The following NUDCD1 variants were observed in gnomAD, a reference collection of about 807,000 sequenced individuals.
NUDCD1 encodes the protein NudC domain containing 1.
NUDCD1 carries 60 observed loss-of-function variants against 67.8 expected under a neutral mutation model. That is an observed-to-expected ratio of 0.88 (90% CI 0.72 to 1.10). The LOEUF is 1.10. Among genes scored for constraint, NUDCD1 ranks in the 50% least tolerant of loss-of-function variants. The pLI, the probability that NUDCD1 is intolerant of heterozygous loss-of-function variation, is 0.00. For missense variants in NUDCD1, 643 were observed against 695.0 expected, an observed-to-expected ratio of 0.93 and a Z score of 0.84; for synonymous variants, 244 against 230.8, an observed-to-expected ratio of 1.06 and a Z score of -0.52.
At chr8:109,273,421 G>C (rs1814205318) in intron 7 of NUDCD1, among the ~76,000 whole-genome samples, 1 of 152,104 alleles carries the variant, frequency 6.6e-6, no homozygotes, top group Non-Finnish European at 1.5e-5. Context: ...AGCTACAGTA[G>C]TGCTTAGAAG....
At chr8:109,285,582 T>C (rs1229925156) in intron 5 of NUDCD1, among the ~76,000 whole-genome samples, 2 of 152,138 alleles carry the variant, frequency 1.3e-5, no homozygotes, top group Non-Finnish European at 2.9e-5. Flanking sequence ...CCTCAATAGA[T>C]GAAGAACAAG....
chr8:109,269,463 C>T (rs1415591875), intron 8 of NUDCD1, among the ~76,000 whole-genome samples: 1 of 152,094 alleles, frequency 6.6e-6, no homozygotes, highest in African/African-American at 2.4e-5. Flanking sequence ...GAAGGGATAG[C>T]GAGTGAGAAG....
At chr8:109,287,265 A>G (rs1814597341) in intron 5 of NUDCD1, among the ~76,000 whole-genome samples, 1 of 152,226 alleles carries the variant, frequency 6.6e-6, no homozygotes, top group Admixed American at 6.5e-5. Flanking sequence ...CTACAATTCA[A>G]CCCAGTAATC....
chr8:109,320,651 T>C (rs1815512407), intron 2 of NUDCD1, among the ~76,000 whole-genome samples: 1 of 152,162 alleles, frequency 6.6e-6, no homozygotes, highest in African/African-American at 2.4e-5. Flanking sequence ...AAGACAAGCA[T>C]AGGAAATCAC....
At chr8:109,299,204 C>T (rs1369762024) in intron 2 of NUDCD1, among the ~76,000 whole-genome samples, 1 of 152,196 alleles carries the variant, frequency 6.6e-6, no homozygotes, top group East Asian at 1.9e-4. Flanking sequence ...AAAAGGAAAT[C>T]GCCAGCTGAA....
chr8:109,263,054 C>CAAACAA (rs1813904369), intron 8 of NUDCD1, among the ~76,000 whole-genome samples: 1 of 42,014 alleles, frequency 2.4e-5, no homozygotes, highest in African/African-American at 9.6e-5. Flanking sequence ...GACTCTGTCT[C>CAAACAA]AAAAAAAAAA....
intron 1 of NUDCD1, among the ~76,000 whole-genome samples, chr8:109,331,219 C>T (rs1815797192): frequency 6.6e-6 from 1 of 152,096 alleles, no homozygotes; most frequent in African/African-American, 2.4e-5. Flanking sequence ...CTTGTAATCC[C>T]AGCTACTCCA....
chr8:109,328,014 T>C (rs1017542108), intron 1 of NUDCD1, among the ~76,000 whole-genome samples: 1 of 152,206 alleles, frequency 6.6e-6, no homozygotes, highest in African/African-American at 2.4e-5. Context: ...TAACTTTTGT[T>C]TGCAGCCAAC....
chr8:109,333,896 C>A lies in NUDCD1; in HGVS notation c.115G>T (p.Ala39Ser). Residue 39 changes from alanine to serine, a missense_variant, in exon 1 of 10, where the codon GCA becomes TCA. Physicochemically the swap from Ala to Ser is moderately conservative, Grantham distance 99 (BLOSUM62 1). Coordinates refer to ENST00000239690, the MANE Select transcript of NUDCD1 (RefSeq NM_032869.4). ...PLPCYQLELD[A>S]AVAEVKLRDD... is the part of the protein sequence containing the mutation. ...GAAGGGCGCCGCCGCTTCCCACCTGCGTCAAGCTCCAGCTGGTAACAAGGC... is the reference window on the plus strand; with the variant it reads ...GAAGGGCGCCGCCGCTTCCCACCTGAGTCAAGCTCCAGCTGGTAACAAGGC... The A allele has an allele frequency of 6.2e-7, 1 of 1,614,066 alleles. No individual in the cohort carries two copies. The highest frequency in any genetic ancestry group is 1.1e-5 in the South Asian group (1 of 91,074).
At chr8:109,328,997 C>A (rs1815744288) in intron 1 of NUDCD1, among the ~76,000 whole-genome samples, 1 of 152,070 alleles carries the variant, frequency 6.6e-6, no homozygotes, top group South Asian at 2.1e-4. Flanking sequence ...GCTACATGTA[C>A]TCCATGTATG....
intron 8 of NUDCD1, among the ~76,000 whole-genome samples, chr8:109,263,322 T>C (rs1043317141): frequency 4.6e-5 from 7 of 152,148 alleles, no homozygotes; most frequent in Non-Finnish European, 7.3e-5. Flanking sequence ...ACATGCTAAC[T>C]GATCATTATA....
chr8:109,329,125 TA>T (rs1167620212), intron 1 of NUDCD1, among the ~76,000 whole-genome samples: 3 of 148,666 alleles, frequency 2.0e-5, no homozygotes, highest in Admixed American at 2.0e-4. Flanking sequence ...AAGAGACTAA[TA>T]TTACAAAAAA....
chr8:109,308,380 A>T (rs1458964711), intron 2 of NUDCD1, among the ~76,000 whole-genome samples: 1 of 152,222 alleles, frequency 6.6e-6, no homozygotes, highest in Non-Finnish European at 1.5e-5. Flanking sequence ...AAAGTCTGAA[A>T]GAGCACAAAC....
At chr8:109,278,076 T>C (rs1349252348) in intron 6 of NUDCD1, among the ~76,000 whole-genome samples, 1 of 152,214 alleles carries the variant, frequency 6.6e-6, no homozygotes, top group South Asian at 2.1e-4. Context: ...TTAAGAACTA[T>C]ACTTTGTGTA....
intron 8 of NUDCD1, among the ~76,000 whole-genome samples, chr8:109,250,395 T>C (rs1339765795): frequency 1.3e-5 from 2 of 152,214 alleles, no homozygotes; most frequent in Non-Finnish European, 2.9e-5. Context: ...ATGAGCATTA[T>C]TTTAAGATAA....
chr8:109,322,164 T>TG (rs1411382445), intron 2 of NUDCD1, 145 bp downstream of exon 2: 2 of 438,360 alleles, frequency 4.6e-6, no homozygotes, highest in Non-Finnish European at 8.4e-6. Flanking sequence ...AAATAAGAAA[T>TG]GGAGTATTAC....
At chr8:109,254,647 T>C (rs1462745868) in intron 8 of NUDCD1, among the ~76,000 whole-genome samples, 1 of 152,094 alleles carries the variant, frequency 6.6e-6, no homozygotes, top group Non-Finnish European at 1.5e-5. Flanking sequence ...TAGAGTAAAA[T>C]ATTCTCTAGG....
At position 109,242,675 on chromosome 8, in the gene NUDCD1, T is replaced by A. The variant is rs147146461; in HGVS notation, c.*334A>T. 274 of 182,252 alleles carry A rather than the reference T, an allele frequency of 1.5e-3. 1 individual carries two copies. Among genetic ancestry groups the A allele is most frequent in the Middle Eastern group, 2.7e-3 (1 of 376 alleles). The allele number at this position is 182,252 out of a possible 1,614,324, so 11.3% of individuals were successfully genotyped here. A position where few individuals can be genotyped will look rare whatever the true frequency, so the allele number is the denominator to read the frequency against. ...TGTAGCAACTAATCAACGAACAGAG[T>A]ACACAATAAATATTTTTATTTTTAA... On this transcript the variant is annotated 3_prime_UTR_variant, in exon 10 of 10. Transcript: ENST00000239690.
intron 2 of NUDCD1, among the ~76,000 whole-genome samples, chr8:109,306,956 C>A (rs145260389): frequency 0.011 from 1,599 of 152,124 alleles, 29 homozygotes; most frequent in African/African-American, 0.036. Flanking sequence ...CTCCATACCA[C>A]CCCCCAAAAA....
Sources: gnomAD v4.1 joint callset for allele counts (sites outside exome capture counted in the v4.1 genomes callset) on GRCh38, gnomAD v4.1.1 for gene constraint, MANE v1.5 for transcripts, NCBI Gene and HGNC (gene_info 2026-07-23, HGNC 2026-07-21) for gene names.